KAZN: variants seen among roughly 807,000 people sequenced by gnomAD.
KAZN encodes the protein kazrin, periplakin interacting protein.
In KAZN, 40 loss-of-function variants were observed where a neutral mutation model predicts 87.4. The observed-to-expected ratio is 0.46, with a 90% CI of 0.36 to 0.60. The LOEUF (loss-of-function observed/expected upper bound fraction) is 0.60, where lower values mean the gene tolerates loss of function less well. Ranked by LOEUF, KAZN falls within the 20% of genes least tolerant of loss-of-function variation. The pLI is 0.00. For missense variants in KAZN, 898 were observed against 1,073.9 expected (o/e 0.84, Z 2.29); for synonymous variants, 466 against 458.3 (o/e 1.02, Z -0.22).
intron 1 of KAZN, among the ~76,000 whole-genome samples, chr1:13,958,617 C>T (rs1376439583): frequency 6.7e-6 from 1 of 150,072 alleles, no homozygotes; most frequent in Non-Finnish European, 1.5e-5. Flanking sequence ...GGGAGAGAAA[C>T]TAATTTGAAG....
At chr1:14,701,043 T>C (rs769583854) in intron 1 of KAZN, among the ~76,000 whole-genome samples, 4 of 152,196 alleles carry the variant, frequency 2.6e-5, no homozygotes, top group Non-Finnish European at 5.9e-5. Context: ...CTTAGTTCTG[T>C]ATTGGACATT....
chr1:14,798,753 T>G (rs930635045), intron 1 of KAZN, among the ~76,000 whole-genome samples: 40 of 151,294 alleles, frequency 2.6e-4, no homozygotes, highest in Admixed American at 2.0e-4. Context: ...TTTTCTTTTC[T>G]TTTCTTTTTC....
chr1:13,917,858 A>G (rs1639917493), intron 1 of KAZN, among the ~76,000 whole-genome samples: 2 of 151,676 alleles, frequency 1.3e-5, no homozygotes, highest in African/African-American at 2.4e-5. Flanking sequence ...CCTGTGCTCT[A>G]TAAATGGAAC....
intron 1 of KAZN, among the ~76,000 whole-genome samples, chr1:14,699,685 C>T (rs977583421): frequency 8.5e-5 from 13 of 152,276 alleles, no homozygotes; most frequent in Admixed American, 3.3e-4. Context: ...CCATTTGAGC[C>T]GAACCATGCA....
intron 1 of KAZN, among the ~76,000 whole-genome samples, chr1:14,606,289 T>C (rs1230364648): frequency 6.6e-6 from 1 of 152,222 alleles, no homozygotes; most frequent in East Asian, 1.9e-4. Context: ...CAGGGAGCTG[T>C]AGCCTTGTCT....
chr1:14,563,759 A>T (rs1674384170), intron 2 of KAZN, among the ~76,000 whole-genome samples: 1 of 151,746 alleles, frequency 6.6e-6, no homozygotes, highest in Admixed American at 6.6e-5. Flanking sequence ...TTACCCATTG[A>T]CTGCAATAGC....
intron 1 of KAZN, among the ~76,000 whole-genome samples, chr1:14,010,120 A>G (rs1640225561): frequency 6.6e-6 from 1 of 151,720 alleles, no homozygotes; most frequent in African/African-American, 2.4e-5. Flanking sequence ...ATTAGCTATA[A>G]CTTTTTTTTT....
intron 1 of KAZN, among the ~76,000 whole-genome samples, chr1:14,920,950 A>T (rs889741909): frequency 2.3e-4 from 35 of 152,110 alleles, no homozygotes; most frequent in Non-Finnish European, 4.3e-4. Context: ...GGTGTTTTTA[A>T]TGTACCTCCC....
At chr1:14,300,191 C>A (rs1011444446) in intron 2 of KAZN, among the ~76,000 whole-genome samples, 1 of 152,114 alleles carries the variant, frequency 6.6e-6, no homozygotes, top group African/African-American at 2.4e-5. Flanking sequence ...AGGACAGGAT[C>A]CTGCAGGGAC....
At chr1:14,048,577 T>C (rs1642177964) in intron 1 of KAZN, among the ~76,000 whole-genome samples, 1 of 152,000 alleles carries the variant, frequency 6.6e-6, no homozygotes, top group Admixed American at 6.6e-5. Context: ...CCAATTTTCA[T>C]GTTTTTAGTA....
intron 1 of KAZN, among the ~76,000 whole-genome samples, chr1:14,710,794 A>G (rs1256308109): frequency 6.6e-6 from 1 of 152,120 alleles, no homozygotes; most frequent in East Asian, 1.9e-4. Context: ...AGTGGAATGA[A>G]AGTTCTGGGA....
At chr1:14,824,532 A>G (rs968139409) in intron 1 of KAZN, among the ~76,000 whole-genome samples, 1 of 152,222 alleles carries the variant, frequency 6.6e-6, no homozygotes, top group African/African-American at 2.4e-5. Flanking sequence ...GAAATGACAC[A>G]GGTTTCAGAG....
intron 1 of KAZN, among the ~76,000 whole-genome samples, chr1:13,911,679 C>T (rs1639657289): frequency 6.6e-6 from 1 of 152,196 alleles, no homozygotes; most frequent in Admixed American, 6.6e-5. Flanking sequence ...ACCTGCCTCA[C>T]AACATACATC....
At chr1:14,223,541 A>T (rs1647159106) in intron 2 of KAZN, among the ~76,000 whole-genome samples, 1 of 152,106 alleles carries the variant, frequency 6.6e-6, no homozygotes, top group Admixed American at 6.5e-5. Flanking sequence ...AGAACTCCAT[A>T]ATCTATCATT....
intron 1 of KAZN, among the ~76,000 whole-genome samples, chr1:14,168,509 C>G (rs904817381): frequency 3.3e-5 from 5 of 152,158 alleles, no homozygotes; most frequent in Admixed American, 6.5e-5. Flanking sequence ...TTAGAGGTGG[C>G]CTTTTTTGCT....
At chr1:13,999,677 G>A (rs147250915) in intron 1 of KAZN, among the ~76,000 whole-genome samples, 74 of 152,196 alleles carry the variant, frequency 4.9e-4, no homozygotes, top group Middle Eastern at 6.8e-3. Context: ...CCAAAAGCTA[G>A]CAGAAGACAA....
At chr1:14,862,385 A>G (rs1650968505) in intron 1 of KAZN, among the ~76,000 whole-genome samples, 1 of 152,152 alleles carries the variant, frequency 6.6e-6, no homozygotes, top group African/African-American at 2.4e-5. Context: ...TCGGGGTGCT[A>G]CAAGGCCAAT....
chr1:14,323,849 G>A (rs1656218294), intron 2 of KAZN, among the ~76,000 whole-genome samples: 1 of 152,158 alleles, frequency 6.6e-6, no homozygotes, highest in Admixed American at 6.5e-5. Flanking sequence ...GCCCCAGATT[G>A]AGTTTTAATT....
At chr1:13,940,747 T>G (rs1388347609) in intron 1 of KAZN, among the ~76,000 whole-genome samples, 1 of 152,248 alleles carries the variant, frequency 6.6e-6, no homozygotes, top group Non-Finnish European at 1.5e-5. Context: ...GAAAAAAATT[T>G]CTGCTGCTAC....
Sources: allele counts gnomAD v4.1 joint callset (sites outside exome capture counted in the v4.1 genomes callset), GRCh38; gene constraint gnomAD v4.1.1; transcripts MANE v1.5; gene names NCBI Gene and HGNC (gene_info 2026-07-23, HGNC 2026-07-21).